TLK1: variants seen among roughly 807,000 people sequenced by gnomAD.
TLK1 encodes tousled like kinase 1.
In TLK1, 24 loss-of-function variants were observed where a neutral mutation model predicts 105.3. That is an observed-to-expected ratio of 0.23 (90% CI 0.17 to 0.32). The LOEUF is 0.32. TLK1 is among the 10% of genes least tolerant of loss of function. The pLI, the probability that TLK1 is intolerant of heterozygous loss-of-function variation, is 1.00. For synonymous variants in TLK1, 321 were observed against 310.4 expected (o/e 1.03, Z -0.36); for missense variants, 558 against 910.5 (o/e 0.61, Z 4.98).
upstream of TLK1, among the ~76,000 whole-genome samples, chr2:171,163,543 T>G (rs1259228797): frequency 6.6e-6 from 1 of 152,188 alleles, no homozygotes; most frequent in Non-Finnish European, 1.5e-5. Flanking sequence ...TTGATTCAAT[T>G]TCCTCATCTA....
chr2:171,042,361 C>G lies in TLK1; in HGVS notation c.1169+3813G>C, dbSNP rs566143769. ...CTGGGCTCAAGAGATCCTCCTGCCT[C>G]AGCCTCCTGAGTAGATGGGACTACA... On this transcript the variant is annotated intron_variant, in intron 11 of 20. Coordinates refer to ENST00000431350, the MANE Select transcript of TLK1 (RefSeq NM_012290.5). 8.5e-5 allele frequency among the ~76,000 whole-genome samples: 13 copies of G among 152,262 alleles called. No homozygotes were observed. In the South Asian group the frequency reaches 2.7e-3, roughly 32 times the overall value.
chr2:171,160,205 G>A lies in TLK1; in HGVS notation c.139+85C>T. ...CCCAGGGTCTGGCGGAGAAGCCCCG[G>A]GGCGGGGGGGGCGGGGGGGGGGCGC... On this transcript the variant is annotated intron_variant, in intron 1 of 20. Transcript: ENST00000431350. This position sits in a 1 kb window ranked among gnomAD's most constrained non-coding sequence, Gnocchi z 4.4. 1.6e-6 allele frequency: 2 copies of A among 1,255,702 alleles called. No homozygotes were observed. Among genetic ancestry groups the A allele is most frequent in the South Asian group, 2.8e-5 (1 of 36,062 alleles). The allele number at this position is 1,255,702 out of a possible 1,614,324, so 77.8% of individuals were successfully genotyped here.
chr2:171,020,367 C>G (rs1685433633), intron 12 of TLK1, among the ~76,000 whole-genome samples: 1 of 151,696 alleles, frequency 6.6e-6, no homozygotes, highest in South Asian at 2.1e-4. Context: ...CAGTGAAACC[C>G]CGTCTCTACT....
At chr2:171,106,423 T>A (rs1689927292) in intron 2 of TLK1, among the ~76,000 whole-genome samples, 1 of 152,222 alleles carries the variant, frequency 6.6e-6, no homozygotes, top group Admixed American at 6.5e-5. Context: ...ATGCATTGTC[T>A]CTACATGTAA....
rs185242538 is a variant in TLK1, at chr2:171,079,363, C to T, written c.330+3418G>A. 2.0e-5 allele frequency among the ~76,000 whole-genome samples: 3 copies of T among 152,268 alleles called. No individual in the cohort carries two copies. The East Asian group carries it at 5.8e-4, about 29-fold the overall frequency. ...CGCTTTGCTTCCATAGCATCTTGTG[C>T]TTCTATCTGTTACAGCACAGCCTAC... On this transcript the variant is annotated intron_variant, in intron 3 of 20. Transcript: ENST00000431350.
intron 1 of TLK1, among the ~76,000 whole-genome samples, chr2:171,156,893 C>A (rs538460643): frequency 1.3e-5 from 2 of 151,912 alleles, no homozygotes; most frequent in East Asian, 3.8e-4. Flanking sequence ...TGCAATGACG[C>A]TATCTAGGCT....
chr2:171,032,990 T>G (rs1187916197), intron 11 of TLK1, among the ~76,000 whole-genome samples: 1 of 152,128 alleles, frequency 6.6e-6, no homozygotes, highest in African/African-American at 2.4e-5. Context: ...GGTGGATCAC[T>G]TGAGGCCAGG....
At position 170,993,037 on chromosome 2, in the gene TLK1, A is replaced by G. The variant is rs1683852187; in HGVS notation, c.*743T>C. On this transcript the variant is annotated 3_prime_UTR_variant, in exon 21 of 21. Coordinates refer to ENST00000431350, the MANE Select transcript of TLK1 (RefSeq NM_012290.5). ...TTATCAATTCTAACGTGTTGAAAAC[A>G]CTGGCAATATTATAATTTAGTGAAT... 6.5e-6 allele frequency: 1 copy of G among 152,678 alleles called. No individual in the cohort carries two copies. Among genetic ancestry groups the G allele is most frequent in the East Asian group, 1.9e-4 (1 of 5,200 alleles). 9.5% of individuals were successfully genotyped at this position (152,678 alleles called of 1,614,324 possible).
intron 11 of TLK1, among the ~76,000 whole-genome samples, chr2:171,042,511 C>G (rs1455200571): frequency 6.6e-6 from 1 of 151,922 alleles, no homozygotes; most frequent in Non-Finnish European, 1.5e-5. Context: ...CCTTCCAAAA[C>G]AGTGGATTAC....
intron 2 of TLK1, among the ~76,000 whole-genome samples, chr2:171,088,628 C>T (rs1689085279): frequency 6.6e-6 from 1 of 152,058 alleles, no homozygotes; most frequent in South Asian, 2.1e-4. Flanking sequence ...AGAGTATTTA[C>T]AAAGAATCAG....
At chr2:171,048,011 T>TG (rs1278591664) in intron 10 of TLK1, among the ~76,000 whole-genome samples, 2 of 152,170 alleles carry the variant, frequency 1.3e-5, no homozygotes, top group African/African-American at 4.8e-5. Context: ...TGCAGTGGCA[T>TG]GATCTCGGCT....
At chr2:171,000,712 A>G (rs1473238003) in intron 18 of TLK1, among the ~76,000 whole-genome samples, 1 of 152,106 alleles carries the variant, frequency 6.6e-6, no homozygotes, top group Non-Finnish European at 1.5e-5. Context: ...TACAGACATA[A>G]TTTGTTTTGC....
chr2:171,160,735 C>A lies in TLK1; in HGVS notation c.-307G>T, dbSNP rs1234165990. ...GGCGTCGAGGGGGTGCCAGCCGGGC[C>A]GGGGTCGGAGCGCGGGCGGAGCGCG... On this transcript the variant is annotated 5_prime_UTR_variant, in exon 1 of 21. Transcript: ENST00000431350. This position sits in a 1 kb window ranked among gnomAD's most constrained non-coding sequence, Gnocchi z 4.4. 2.2e-6 allele frequency: 1 copy of A among 445,448 alleles called. No homozygotes were observed. Among genetic ancestry groups the A allele is most frequent in the Non-Finnish European group, 3.9e-6 (1 of 259,578 alleles). The allele number at this position is 445,448 out of a possible 1,614,324, so 27.6% of individuals were successfully genotyped here. A position where few individuals can be genotyped will look rare whatever the true frequency, so the allele number is the denominator to read the frequency against.
chr2:171,085,850 A>G (rs1688949528), intron 2 of TLK1, among the ~76,000 whole-genome samples: 1 of 152,198 alleles, frequency 6.6e-6, no homozygotes, highest in Non-Finnish European at 1.5e-5. Flanking sequence ...AGGATATAAT[A>G]TTTAATGACT....
chr2:171,112,338 A>G (rs566621096), intron 2 of TLK1, among the ~76,000 whole-genome samples: 1 of 152,354 alleles, frequency 6.6e-6, no homozygotes, highest in African/African-American at 2.4e-5. Context: ...AATCTATTAA[A>G]TTATTGTATT....
rs142920692 is a variant in TLK1 at position 171,185,786 on chromosome 2, G to T, written c.-6+45359C>A. On this transcript the variant is annotated intron_variant, in intron 1 of 20. Transcript: ENST00000521943. ...ATTGGTTTACTTATCTTTCTGTCTTGCTCTCTCCCTAGATAGTGAATTCCT... is the reference window on the plus strand; with the variant it reads ...ATTGGTTTACTTATCTTTCTGTCTTTCTCTCTCCCTAGATAGTGAATTCCT... Among the ~76,000 whole-genome samples, 552 of 152,186 alleles carry T rather than the reference G, an allele frequency of 3.6e-3. 6 individuals are homozygous for T. Among genetic ancestry groups the T allele is most frequent in the African/African-American group, 0.012 (512 of 41,524 alleles).
At chr2:171,043,127 A>C (rs1257305650) in intron 11 of TLK1, among the ~76,000 whole-genome samples, 1 of 152,166 alleles carries the variant, frequency 6.6e-6, no homozygotes, top group African/African-American at 2.4e-5. Flanking sequence ...AGGGAAAGAG[A>C]AACATTAAGA....
intron 11 of TLK1, among the ~76,000 whole-genome samples, chr2:171,040,913 G>A (rs1248715540): frequency 6.6e-6 from 1 of 152,006 alleles, no homozygotes; most frequent in Admixed American, 6.6e-5. Context: ...AAGCTATAAT[G>A]GAAAAGCAAT....
In TLK1 at chr2:171,130,667, A is replaced by C. The variant is rs112037242; in HGVS notation, c.140-12810T>G. ...ATTCCAATCTACTCACTTTCTACTC[A>C]CCTAGCCTAAACCTTCAAATAAGGA... is the stretch of plus-strand genomic sequence containing the variant. On this transcript the variant is annotated intron_variant, in intron 1 of 20. Coordinates refer to ENST00000431350, the MANE Select transcript of TLK1 (RefSeq NM_012290.5). Among the ~76,000 whole-genome samples, 543 of 152,248 alleles carry C rather than the reference A, an allele frequency of 3.6e-3. 6 individuals carry two copies. The highest frequency in any genetic ancestry group is 0.012 in the African/African-American group (501 of 41,542).
Sources: gnomAD v4.1 joint callset for allele counts (sites outside exome capture counted in the v4.1 genomes callset) on GRCh38, gnomAD v4.1.1 for gene constraint, Gnocchi (gnomAD v3.1) non-coding constraint, MANE v1.5 for transcripts, NCBI Gene and HGNC (gene_info 2026-07-23, HGNC 2026-07-21) for gene names.